PNPLA7: variants seen among roughly 807,000 people sequenced by gnomAD.
PNPLA7 encodes the protein patatin like domain 7, lysophospholipase.
In PNPLA7, 153 loss-of-function variants were observed where a neutral mutation model predicts 161.7. The observed-to-expected ratio is 0.95, with a 90% CI of 0.83 to 1.08. The LOEUF is 1.08. PNPLA7 is among the 50% of genes least tolerant of loss of function. The pLI is 0.00. For missense variants in PNPLA7, 1,739 were observed against 1,856.6 expected, an observed-to-expected ratio of 0.94 and a Z score of 1.16; for synonymous variants, 809 against 782.1, an observed-to-expected ratio of 1.03 and a Z score of -0.57.
At chr9:137,526,253 C>T (rs1161260311) in intron 8 of PNPLA7, among the ~76,000 whole-genome samples, 1 of 152,124 alleles carries the variant, frequency 6.6e-6, no homozygotes, top group East Asian at 1.9e-4. Context: ...CCAGACCTCA[C>T]TCTGTGGGTC....
In PNPLA7 at chr9:137,521,709, A is replaced by G; in HGVS notation, c.884T>C (p.Met295Thr). The G allele has an allele frequency of 6.2e-7, 1 of 1,610,634 alleles. No homozygotes were observed. The change falls in exon 10 of 35, where the codon ATG (methionine) becomes ACG (threonine). Residue 295 changes from methionine (M) to threonine (T), a missense_variant. Physicochemically the swap from Met to Thr is moderately conservative, Grantham distance 81. Transcript: ENST00000406427. The part of the protein sequence containing the change: ...ETLVRVVQII[M>T]VRLQRVTFLA... ...AAAGGTCACCCTCTGCAGCCGCACC[A>G]TGATGATCTGCAAGAACACGCCAGC...
At chr9:137,460,612 G>A in intron 34 of PNPLA7, 22 bp downstream of exon 34, 1 of 1,606,386 alleles carries the variant, frequency 6.2e-7, no homozygotes, top group Non-Finnish European at 8.5e-7. Flanking sequence ...GGCACCAGGT[G>A]GGACCATGCC....
chr9:137,522,664 C>A, intron 9 of PNPLA7, 65 bp downstream of exon 9: 1 of 1,581,260 alleles, frequency 6.3e-7, no homozygotes, highest in Non-Finnish European at 8.6e-7. Context: ...AATCCCAAAC[C>A]AGTGCCCAGG....
chr9:137,516,104 C>T (rs866460925), intron 11 of PNPLA7, among the ~76,000 whole-genome samples: 5 of 27,568 alleles, frequency 1.8e-4, no homozygotes, highest in African/African-American at 1.8e-4. Context: ...CCCCATGCGC[C>T]CCACCCCCAT....
chr9:137,466,658 G>A (rs1278468810), intron 26 of PNPLA7, among the ~76,000 whole-genome samples: 1 of 140,782 alleles, frequency 7.1e-6, no homozygotes, highest in African/African-American at 2.7e-5. Flanking sequence ...CCTCAGACCC[G>A]GGCACGGATC....
chr9:137,522,948 C>A, intron 8 of PNPLA7, 91 bp from the exon 9 acceptor site: 1 of 1,541,312 alleles, frequency 6.5e-7, no homozygotes, highest in Non-Finnish European at 8.8e-7. Context: ...GAGGAGGCCC[C>A]GCCTGCTGCC....
At position 137,486,378 on chromosome 9, in the gene PNPLA7, C is replaced by T. The variant is rs1427425691; in HGVS notation, c.2198-1642G>A. On this transcript the variant is annotated intron_variant, in intron 20 of 34. Coordinates refer to ENST00000406427, the MANE Select transcript of PNPLA7 (RefSeq NM_001098537.3). The surrounding 1 kb of genome is among the most constrained non-coding windows in gnomAD (Gnocchi z 6.0). Reference sequence around the variant, plus strand: ...GAACATGGCTCGGAGAACCAGCGCACAGCCGGCAATCATGTGCTCACAGGA... The same window carrying T: ...GAACATGGCTCGGAGAACCAGCGCATAGCCGGCAATCATGTGCTCACAGGA... 6.6e-5 allele frequency among the ~76,000 whole-genome samples: 10 copies of T among 152,138 alleles called. No homozygotes were observed. The East Asian group carries it at 1.9e-3, about 29-fold the overall frequency.
chr9:137,483,359 C>T (rs997148020), intron 21 of PNPLA7, among the ~76,000 whole-genome samples: 4 of 152,228 alleles, frequency 2.6e-5, no homozygotes, highest in African/African-American at 9.6e-5. Flanking sequence ...AGATTTTCTG[C>T]ATATACTGGG....
At chr9:137,504,615 G>C (rs1366726335) in intron 14 of PNPLA7, among the ~76,000 whole-genome samples, 1 of 152,202 alleles carries the variant, frequency 6.6e-6, no homozygotes, top group East Asian at 1.9e-4. Flanking sequence ...TCATGACACA[G>C]TCAGGGGTCC....
At position 137,500,714 on chromosome 9, in the gene PNPLA7, G is replaced by A; in HGVS notation, c.1734C>T (p.Ser578=). 6.2e-7 allele frequency: 1 copy of A among 1,612,428 alleles called. No homozygotes were observed. ...VKANRDCSFL[S]ISKAHFYEIM... ...ACTCATAGAAGTGGGCCTTGGAGAT[G>A]GACAGGAAGCTGCAGTCCCTGTTGG... The change falls in exon 16 of 35, where the codon TCC becomes TCT. Residue 578 remains serine, a synonymous_variant. Coordinates refer to ENST00000406427, the MANE Select transcript of PNPLA7 (RefSeq NM_001098537.3). The surrounding 1 kb of genome is among the most constrained non-coding windows in gnomAD (Gnocchi z 5.5).
intron 8 of PNPLA7, among the ~76,000 whole-genome samples, chr9:137,535,619 G>T (rs112034122): frequency 0.033 from 5,017 of 151,722 alleles, 91 homozygotes; most frequent in East Asian, 0.085. Context: ...TGGGCATGGT[G>T]GTGGGCACCT....
Position 137,540,508 on chromosome 9 carries a change from C to A in PNPLA7, c.747+134G>T. On this transcript the variant is annotated intron_variant, in intron 8 of 34. Coordinates refer to ENST00000406427, the MANE Select transcript of PNPLA7 (RefSeq NM_001098537.3). This position sits in a 1 kb window ranked among gnomAD's most constrained non-coding sequence, Gnocchi z 5.1. Reference sequence around the variant, plus strand: ...TCCTCTTTCTTCCCTCCTTCCTGGACCAAACCCTGCTCCCCTCACATCACT... The same window carrying A: ...TCCTCTTTCTTCCCTCCTTCCTGGAACAAACCCTGCTCCCCTCACATCACT... 1.3e-6 allele frequency: 1 copy of A among 784,156 alleles called. No individual in the cohort carries two copies. Among genetic ancestry groups the A allele is most frequent in the Non-Finnish European group, 2.1e-6 (1 of 487,492 alleles). 48.6% of individuals were successfully genotyped at this position (784,156 alleles called of 1,614,324 possible).
At position 137,542,786 on chromosome 9, in the gene PNPLA7, A is replaced by G; in HGVS notation, c.522T>C (p.Phe174=). Residue 174 remains phenylalanine (F), a synonymous_variant, in exon 7 of 35, where the codon TTT becomes TTC. Transcript: ENST00000406427. ...MLKNVRVLGH[F]EKPLFLELCK... The stretch of plus-strand genomic sequence containing the variant: ...AAAGCTCCAGGAACAGCGGCTTCTC[A>G]AAGTGGCCCAGGACCCTGCAAGAGC... 1.9e-6 allele frequency: 3 copies of G among 1,613,400 alleles called. No homozygotes were observed. The highest frequency in any genetic ancestry group is 2.5e-6 in the Non-Finnish European group (3 of 1,179,736).
At position 137,462,138 on chromosome 9, in the gene PNPLA7, G is replaced by A. The variant is rs757470971; in HGVS notation, c.3645+41C>T. On this transcript the variant is annotated intron_variant, in intron 31 of 34. Coordinates refer to ENST00000406427, the MANE Select transcript of PNPLA7 (RefSeq NM_001098537.3). ...AGCGAGGAGGGGCAGCCACCAGAGTGCCTCCGCCCGCCTCCGCCGCCGCGG... is the reference window on the plus strand; with the variant it reads ...AGCGAGGAGGGGCAGCCACCAGAGTACCTCCGCCCGCCTCCGCCGCCGCGG... 3.9e-6 allele frequency: 6 copies of A among 1,528,966 alleles called. No homozygotes were observed. In the East Asian group the frequency reaches 1.2e-4, roughly 30 times the overall value. The allele number at this position is 1,528,966 out of a possible 1,614,324, so 94.7% of individuals were successfully genotyped here.
chr9:137,510,833 C>T (rs1300348331), intron 12 of PNPLA7, among the ~76,000 whole-genome samples: 1 of 152,198 alleles, frequency 6.6e-6, no homozygotes, highest in Non-Finnish European at 1.5e-5. Context: ...CACCCAGGTG[C>T]CGAGGCATGA....
Position 137,495,126 on chromosome 9 carries a change from CT to C in PNPLA7, c.2033del (p.Gln678ArgfsTer34), listed in dbSNP as rs755497176. The C allele has an allele frequency of 2.5e-5, 40 of 1,604,316 alleles. No homozygotes were observed. Among genetic ancestry groups the C allele is most frequent in the Non-Finnish European group, 2.6e-5 (31 of 1,178,554 alleles). Reference protein sequence around the residue: ...LVGVVETLTHQARATTVHAVR... With the variant: ...LVGVVETLTHXARATTVHAVR... The stretch of plus-strand genomic sequence containing the variant: ...CGGCATGCACCGTGGTCGCCCGGGC[CT>C]GGTGGGTCAGTGTCTCCACCTGAGG... On this transcript the variant is annotated frameshift_variant, in exon 19 of 35. Transcript: ENST00000406427. LOFTEE classifies it high-confidence loss of function.
chr9:137,500,702 G>C lies in PNPLA7; in HGVS notation c.1746C>G (p.Ala582=), dbSNP rs780434052. Reference sequence around the variant, plus strand: ...CCCGTGGGACTCACTCATAGAAGTGGGCCTTGGAGATGGACAGGAAGCTGC... The same window carrying C: ...CCCGTGGGACTCACTCATAGAAGTGCGCCTTGGAGATGGACAGGAAGCTGC... ...RDCSFLSISK[A]HFYEIMRKQP... Residue 582 remains alanine, a synonymous_variant, in exon 16 of 35, where the codon GCC becomes GCG. Coordinates refer to ENST00000406427, the MANE Select transcript of PNPLA7 (RefSeq NM_001098537.3). The surrounding 1 kb of genome is among the most constrained non-coding windows in gnomAD (Gnocchi z 5.5). 8.1e-6 allele frequency: 13 copies of C among 1,612,202 alleles called. No individual in the cohort carries two copies. The South Asian group carries it at 1.3e-4, about 16-fold the overall frequency.
Position 137,540,506 on chromosome 9 carries a change from G to A in PNPLA7, c.747+136C>T. On this transcript the variant is annotated intron_variant, in intron 8 of 34. Coordinates refer to ENST00000406427, the MANE Select transcript of PNPLA7 (RefSeq NM_001098537.3). This position sits in a 1 kb window ranked among gnomAD's most constrained non-coding sequence, Gnocchi z 5.1. ...CCTCCTCTTTCTTCCCTCCTTCCTG[G>A]ACCAAACCCTGCTCCCCTCACATCA... 2 of 766,740 alleles carry A rather than the reference G, an allele frequency of 2.6e-6. No individual in the cohort carries two copies. Among genetic ancestry groups the A allele is most frequent in the Non-Finnish European group, 4.2e-6 (2 of 472,756 alleles). The allele number at this position is 766,740 out of a possible 1,614,324, so 47.5% of individuals were successfully genotyped here.
chr9:137,518,549 A>C (rs1184118137), intron 11 of PNPLA7, among the ~76,000 whole-genome samples: 4 of 29,300 alleles, frequency 1.4e-4, no homozygotes, highest in Non-Finnish European at 2.5e-4. Context: ...TCCATCCCCC[A>C]CTCACTCGCT....
Sources: allele counts gnomAD v4.1 joint callset (sites outside exome capture counted in the v4.1 genomes callset), GRCh38; gene constraint gnomAD v4.1.1; non-coding constraint Gnocchi (gnomAD v3.1); transcripts MANE v1.5; gene names NCBI Gene and HGNC (gene_info 2026-07-23, HGNC 2026-07-21).